The following EFL1 variants were observed in gnomAD, a reference collection of about 807,000 sequenced individuals.
EFL1 encodes elongation factor-like GTPase 1.
Under a neutral mutation model 126.7 loss-of-function variants are expected in EFL1, and 76 were observed. The observed-to-expected ratio is 0.60, with a 90% confidence interval of 0.50 to 0.73. EFL1 has a LOEUF of 0.73. Ranked by LOEUF, EFL1 falls within the 30% of genes least tolerant of loss-of-function variation. The pLI, the probability that EFL1 is intolerant of heterozygous loss-of-function variation, is 0.00. For missense variants in EFL1, 1,128 were observed against 1,343.2 expected (o/e 0.84, Z 2.50); for synonymous variants, 410 against 448.4 (o/e 0.91, Z 1.08).
chr15:82,223,810 T>C (rs193215487), intron 12 of EFL1, among the ~76,000 whole-genome samples: 185 of 152,350 alleles, frequency 1.2e-3, no homozygotes, highest in African/African-American at 4.3e-3. Context: ...TTCACTCACT[T>C]ACTTACTCAG....
chr15:82,262,676 C>T lies in EFL1; in HGVS notation c.-82G>A. On this transcript the variant is annotated 5_prime_UTR_variant, in exon 1 of 20. Coordinates refer to ENST00000268206, the MANE Select transcript of EFL1 (RefSeq NM_024580.6). Reference sequence around the variant, plus strand: ...GGGTCGCACCCACACCGAGAGCTTCCGAAAGTCCGAGAGCTCTGCGGGTCC... The same window carrying T: ...GGGTCGCACCCACACCGAGAGCTTCTGAAAGTCCGAGAGCTCTGCGGGTCC... 1 of 560,074 alleles carries T rather than the reference C, an allele frequency of 1.8e-6. No homozygotes were observed. The highest frequency in any genetic ancestry group is 2.2e-5 in the South Asian group (1 of 44,508). The allele number at this position is 560,074 out of a possible 1,614,324, so 34.7% of individuals were successfully genotyped here.
At chr15:82,156,535 G>A (rs2073969502) in intron 17 of EFL1, among the ~76,000 whole-genome samples, 1 of 152,226 alleles carries the variant, frequency 6.6e-6, no homozygotes, top group South Asian at 2.1e-4. Flanking sequence ...TGCCCGCCCT[G>A]GCCTCCCAAA....
At chr15:82,188,143 G>A (rs1000283065) in intron 15 of EFL1, among the ~76,000 whole-genome samples, 4 of 151,972 alleles carry the variant, frequency 2.6e-5, no homozygotes, top group Non-Finnish European at 5.9e-5. Context: ...TTACAAAATT[G>A]TTTACTTTAA....
At chr15:82,233,893 A>T (rs1174811859) in intron 7 of EFL1, 2 of 152,174 alleles carry the variant, frequency 1.3e-5, no homozygotes, top group African/African-American at 4.8e-5. Flanking sequence ...ATTTTAGAGG[A>T]AAAGGGGAAG....
intron 14 of EFL1, among the ~76,000 whole-genome samples, chr15:82,216,545 G>GACCTATGTACATAGGTGT (rs909529178): frequency 6.6e-6 from 1 of 152,124 alleles, no homozygotes; most frequent in East Asian, 1.9e-4. Context: ...TCCAGAAACA[G>GACCTATGTACATAGGTGT]ACCTATGTAC....
At chr15:82,208,650 G>C (rs931913747) in intron 15 of EFL1, among the ~76,000 whole-genome samples, 1 of 151,978 alleles carries the variant, frequency 6.6e-6, no homozygotes, top group Non-Finnish European at 1.5e-5. Flanking sequence ...TTTTTTTAAC[G>C]CAGGAATTCA....
intron 17 of EFL1, among the ~76,000 whole-genome samples, chr15:82,154,472 T>C (rs946200444): frequency 2.0e-5 from 3 of 152,222 alleles, no homozygotes; most frequent in African/African-American, 7.2e-5. Context: ...ACAAATTCTA[T>C]AACATTATAC....
At chr15:82,227,395 T>A (rs2074774949) in intron 11 of EFL1, 55 bp downstream of exon 11, 3 of 1,613,444 alleles carry the variant, frequency 1.9e-6, no homozygotes, top group Non-Finnish European at 2.5e-6. Flanking sequence ...TAGAGCAGCC[T>A]GGATGGAGGA....
At chr15:82,151,222 A>G (rs1308897083) in intron 18 of EFL1, among the ~76,000 whole-genome samples, 3 of 152,070 alleles carry the variant, frequency 2.0e-5, no homozygotes, top group Non-Finnish European at 4.4e-5. Flanking sequence ...CAGTCTCTAC[A>G]AAAAACACAA....
At chr15:82,175,278 G>C (rs190372359) in intron 15 of EFL1, among the ~76,000 whole-genome samples, 1 of 152,146 alleles carries the variant, frequency 6.6e-6, no homozygotes, top group Non-Finnish European at 1.5e-5. Flanking sequence ...CTTACTTGAA[G>C]TAACAATATT....
At chr15:82,184,808 A>T (rs2074286420) in intron 15 of EFL1, among the ~76,000 whole-genome samples, 1 of 152,236 alleles carries the variant, frequency 6.6e-6, no homozygotes, top group Non-Finnish European at 1.5e-5. Context: ...ATAAGGGATT[A>T]TTGGATGAAA....
chr15:82,225,027 C>A lies in EFL1; in HGVS notation c.1292+138G>T. 4 of 557,058 alleles carry A rather than the reference C, an allele frequency of 7.2e-6. No individual in the cohort carries two copies. The East Asian group carries it at 1.2e-4, about 17-fold the overall frequency. 34.5% of individuals were successfully genotyped at this position (557,058 alleles called of 1,614,324 possible). On this transcript the variant is annotated intron_variant, in intron 12 of 19. Coordinates refer to ENST00000268206, the MANE Select transcript of EFL1 (RefSeq NM_024580.6). ...ATACTACTGTATAAATTGTATGTTA[C>A]CCTGGGGGTTGGCTTGATATGAATT... is the stretch of plus-strand genomic sequence containing the variant.
At position 82,151,579 on chromosome 15, in the gene EFL1, C is replaced by T; in HGVS notation, c.2875G>A (p.Gly959Arg). The T allele has an allele frequency of 6.2e-7, 1 of 1,614,146 alleles. No homozygotes were observed. The highest frequency in any genetic ancestry group is 8.5e-7 in the Non-Finnish European group (1 of 1,180,018). The change falls in exon 18 of 20, where the codon GGA becomes AGA. Residue 959 changes from glycine (G) to arginine (R), a missense_variant. Coordinates refer to ENST00000268206, the MANE Select transcript of EFL1 (RefSeq NM_024580.6). ...PLTDCYGPFS[G>R]QLIATMKEAC... ...TCTTTCATGGTGGCAATTAGCTGTC[C>T]TGAGAAAGGTCCATAGCAGTCAGTG...
intron 4 of EFL1, among the ~76,000 whole-genome samples, chr15:82,251,547 G>T (rs762538278): frequency 2.6e-5 from 4 of 152,088 alleles, no homozygotes; most frequent in African/African-American, 4.8e-5. Flanking sequence ...CAAATCTCTT[G>T]AAGTCTATAA....
At chr15:82,139,616 G>A (rs1001490101) in intron 18 of EFL1, among the ~76,000 whole-genome samples, 1 of 152,194 alleles carries the variant, frequency 6.6e-6, no homozygotes, top group African/African-American at 2.4e-5. Context: ...AAGGAGAACA[G>A]ACCCTGCAAA....
chr15:82,245,561 C>G (rs1274800637), intron 4 of EFL1, among the ~76,000 whole-genome samples: 1 of 152,036 alleles, frequency 6.6e-6, no homozygotes, highest in Non-Finnish European at 1.5e-5. Flanking sequence ...AATTGTAAAG[C>G]TGACACAGGT....
chr15:82,169,293 C>T (rs773831297), intron 15 of EFL1, among the ~76,000 whole-genome samples: 16 of 152,182 alleles, frequency 1.1e-4, no homozygotes, highest in Non-Finnish European at 1.8e-4. Flanking sequence ...ACACTCACAA[C>T]TGTATCATTT....
At chr15:82,219,451 A>G (rs2074684938) in intron 14 of EFL1, among the ~76,000 whole-genome samples, 1 of 152,178 alleles carries the variant, frequency 6.6e-6, no homozygotes, top group Admixed American at 6.5e-5. Flanking sequence ...TGGTCCACAT[A>G]TTGGTTTCCT....
chr15:82,211,100 A>G (rs572291669), intron 15 of EFL1, among the ~76,000 whole-genome samples: 1 of 69,100 alleles, frequency 1.4e-5, no homozygotes, highest in Admixed American at 1.2e-4. Flanking sequence ...GTTTCAAAGA[A>G]AAAAAAAAAA....
Sources: gnomAD v4.1 joint callset for allele counts (sites outside exome capture counted in the v4.1 genomes callset) on GRCh38, gnomAD v4.1.1 for gene constraint, MANE v1.5 for transcripts, NCBI Gene and HGNC (gene_info 2026-07-23, HGNC 2026-07-21) for gene names.